SREK1: variants seen among roughly 807,000 people sequenced by gnomAD.
The protein encoded by SREK1 is splicing regulatory glutamic acid and lysine rich protein 1, also known as splicing regulatory glutamine/lysine-rich protein 1.
In SREK1, 13 loss-of-function variants were observed where a neutral mutation model predicts 66.5. The ratio of observed to expected loss-of-function variants is 0.20; its 90% CI spans 0.13 to 0.31. The LOEUF (loss-of-function observed/expected upper bound fraction) is 0.31. Among genes scored for constraint, SREK1 ranks in the 10% least tolerant of loss-of-function variants. The pLI is 1.00. For missense variants in SREK1, 607 were observed against 769.6 expected (o/e 0.79, Z 2.50); for synonymous variants, 265 against 263.5 (o/e 1.01, Z -0.05).
chr5:66,181,133 C>T lies in SREK1; in HGVS notation c.*2265C>T, dbSNP rs1412425723. ...GATATTTATTAAGCTTTAAAATAAT[C>T]GTACTATAATCTTGAAACACTGATT... On this transcript the variant is annotated 3_prime_UTR_variant, in exon 12 of 12. Coordinates refer to ENST00000334121, the MANE Select transcript of SREK1 (RefSeq NM_001077199.3). 4.6e-5 allele frequency: 7 copies of T among 152,244 alleles called. No individual in the cohort carries two copies. In the South Asian group the frequency reaches 6.2e-4, roughly 14 times the overall value. The allele number at this position is 152,244 out of a possible 1,614,324, so 9.4% of individuals were successfully genotyped here.
intron 3 of SREK1, 96 bp downstream of exon 3, chr5:66,159,430 C>T (rs78565322): frequency 5.4e-4 from 336 of 626,376 alleles, no homozygotes; most frequent in Middle Eastern, 2.4e-3. Flanking sequence ...GGATCTTCTT[C>T]TTTTTTTTTT....
intron 7 of SREK1, chr5:66,169,497 TC>T: frequency 6.6e-6 from 1 of 152,316 alleles, no homozygotes; most frequent in South Asian, 2.1e-4. Flanking sequence ...TCCAAGCATT[TC>T]ACATAAGGGA....
chr5:66,170,308 T>TA (rs1471252000), intron 8 of SREK1, 138 bp downstream of exon 8: 8 of 1,220,210 alleles, frequency 6.6e-6, no homozygotes, highest in Non-Finnish European at 9.0e-6. Context: ...AAACCTTTTT[T>TA]ATTGTTTTAG....
At chr5:66,163,760 G>A in intron 5 of SREK1, 32 bp from the exon 6 acceptor site, 7 of 1,597,434 alleles carry the variant, frequency 4.4e-6, no homozygotes, top group Non-Finnish European at 6.0e-6. Flanking sequence ...AATGTGGTGT[G>A]TATTTGTGAT....
intron 1 of SREK1, among the ~76,000 whole-genome samples, chr5:66,152,349 A>G (rs1743920602): frequency 6.6e-6 from 1 of 152,252 alleles, no homozygotes; most frequent in African/African-American, 2.4e-5. Context: ...GAAGAATTAC[A>G]AAGAAATCTG....
intron 1 of SREK1, among the ~76,000 whole-genome samples, chr5:66,148,654 A>G (rs1308078839): frequency 6.6e-6 from 1 of 152,186 alleles, no homozygotes; most frequent in Non-Finnish European, 1.5e-5. Flanking sequence ...TAGAGACAGG[A>G]TTTCACCATG....
At chr5:66,152,144 GC>G (rs1743900827) in intron 1 of SREK1, among the ~76,000 whole-genome samples, 1 of 152,142 alleles carries the variant, frequency 6.6e-6, no homozygotes, top group South Asian at 2.1e-4. Flanking sequence ...GAGCCACTGC[GC>G]CCGGCGGTAC....
chr5:66,172,924 G>C (rs542201827), intron 9 of SREK1, among the ~76,000 whole-genome samples: 127 of 148,780 alleles, frequency 8.5e-4, no homozygotes, highest in African/African-American at 3.1e-3. Context: ...TCTGCCTCCT[G>C]GGTTCAGCGA....
In SREK1 at chr5:66,181,900, C is replaced by CCGG. The variant is rs1285166072; in HGVS notation, c.*3032_*3033insCGG. On this transcript the variant is annotated 3_prime_UTR_variant, in exon 12 of 12. Transcript: ENST00000334121. ...GTTTATAATGAAAAGGTTTTTTTGTCGGGGGGGGGGGGGTCAAGAGAATTT... is the reference window on the plus strand; with the variant it reads ...GTTTATAATGAAAAGGTTTTTTTGTCCGGGGGGGGGGGGGGGTCAAGAGAATTT... 5.1e-5 allele frequency: 3 copies of CCGG among 58,556 alleles called. No individual in the cohort carries two copies. The highest frequency in any genetic ancestry group is 1.6e-4 in the African/African-American group (3 of 19,140). 3.6% of individuals were successfully genotyped at this position (58,556 alleles called of 1,614,324 possible).
rs1383068306 is a variant in SREK1, at chr5:66,182,986, CAATT to C, written c.*4120_*4123del. 2 of 152,144 alleles carry C rather than the reference CAATT, an allele frequency of 1.3e-5. No individual in the cohort carries two copies. The highest frequency in any genetic ancestry group is 4.8e-5 in the African/African-American group (2 of 41,444). 9.4% of individuals were successfully genotyped at this position (152,144 alleles called of 1,614,324 possible). On this transcript the variant is annotated 3_prime_UTR_variant, in exon 12 of 12. Transcript: ENST00000334121. The stretch of plus-strand genomic sequence containing the variant: ...TCTAAGGTACTTTTATAGTTTCTAG[CAATT>C]AGTTTGTTACAATTAGCTTATATCA...
At chr5:66,148,370 T>C (rs1313499537) in intron 1 of SREK1, among the ~76,000 whole-genome samples, 2 of 152,178 alleles carry the variant, frequency 1.3e-5, no homozygotes, top group East Asian at 3.8e-4. Context: ...TTTAAAAATA[T>C]TGTATAGTGC....
chr5:66,153,007 T>C (rs969802550), intron 1 of SREK1, among the ~76,000 whole-genome samples: 7 of 152,338 alleles, frequency 4.6e-5, no homozygotes, highest in Non-Finnish European at 7.4e-5. Context: ...AATTCCATAC[T>C]ACCTGACTCT....
rs1200686621 is a variant in SREK1, at chr5:66,157,272, A to G, written c.296-1947A>G. On this transcript the variant is annotated intron_variant, in intron 2 of 11. Coordinates refer to ENST00000334121, the MANE Select transcript of SREK1 (RefSeq NM_001077199.3). ...TTAAGCTGAAAGTGAAAGACTTCAT[A>G]ATACTAAGTAGTCAACTTTTGGCCA... 5.1e-6 allele frequency: 5 copies of G among 985,142 alleles called. No individual in the cohort carries two copies. In the Admixed American group the frequency reaches 2.5e-4, roughly 48 times the overall value. The allele number at this position is 985,142 out of a possible 1,614,324, so 61.0% of individuals were successfully genotyped here.
chr5:66,160,939 C>G (rs1464963956), intron 3 of SREK1, among the ~76,000 whole-genome samples: 1 of 152,148 alleles, frequency 6.6e-6, no homozygotes, highest in Non-Finnish European at 1.5e-5. Flanking sequence ...AGTTTACATT[C>G]ATATTAAAAA....
chr5:66,170,814 A>G lies in SREK1; in HGVS notation c.1351A>G (p.Lys451Glu), dbSNP rs780820309. ...GAAGGATCGAGACAAAGAGAAGGAA[A>G]AGGAACAGGACAAAGAAAAGGAACG... ...HEKDRDKEKE[K>E]EQDKEKEREK... Residue 451 changes from lysine to glutamate, a missense_variant, in exon 9 of 12, where the codon AAG becomes GAG. Around this residue, in one of 5 missense-constraint regions of SREK1, gnomAD observed 318 missense variants for 310.3 expected, o/e 1.02. Transcript: ENST00000334121. 5.6e-6 allele frequency: 9 copies of G among 1,612,920 alleles called. No individual in the cohort carries two copies. Among genetic ancestry groups the G allele is most frequent in the South Asian group, 2.2e-5 (2 of 90,940 alleles).
rs1240908434 is a variant in SREK1, at chr5:66,183,367, T to C, written c.*4499T>C. 6.6e-6 allele frequency: 1 copy of C among 152,172 alleles called. No homozygotes were observed. Among genetic ancestry groups the C allele is most frequent in the Non-Finnish European group, 1.5e-5 (1 of 68,008 alleles). The allele number at this position is 152,172 out of a possible 1,614,324, so 9.4% of individuals were successfully genotyped here. On this transcript the variant is annotated 3_prime_UTR_variant, in exon 12 of 12. Transcript: ENST00000334121. Reference sequence around the variant, plus strand: ...CTGATTTCTACAATAGATTTAAGTATGAAATTTGAGTATACTGTGTAGCTG... The same window carrying C: ...CTGATTTCTACAATAGATTTAAGTACGAAATTTGAGTATACTGTGTAGCTG...
rs1247543750 is a variant in SREK1, at chr5:66,179,045, G to A, written c.*177G>A. The A allele has an allele frequency of 3.5e-6, 2 of 578,648 alleles. No homozygotes were observed. Among genetic ancestry groups the A allele is most frequent in the African/African-American group, 1.9e-5 (1 of 52,764 alleles). The allele number at this position is 578,648 out of a possible 1,614,324, so 35.8% of individuals were successfully genotyped here. ...GTTATTGAGTAAGAAAATAAAGCATGGACATCATGAAAATAACAGATGTTA... is the reference window on the plus strand; with the variant it reads ...GTTATTGAGTAAGAAAATAAAGCATAGACATCATGAAAATAACAGATGTTA... On this transcript the variant is annotated 3_prime_UTR_variant, in exon 12 of 12. Transcript: ENST00000334121.
At position 66,180,030 on chromosome 5, in the gene SREK1, C is replaced by T. The variant is rs1325595652; in HGVS notation, c.*1162C>T. 1.3e-5 allele frequency: 2 copies of T among 152,418 alleles called. No homozygotes were observed. The highest frequency in any genetic ancestry group is 4.8e-5 in the African/African-American group (2 of 41,380). The allele number at this position is 152,418 out of a possible 1,614,324, so 9.4% of individuals were successfully genotyped here. Reference sequence around the variant, plus strand: ...CTTATTTTCCTTAAATTGAAGAAAACCCTTTAGTTGTCTACATTGGATGGC... The same window carrying T: ...CTTATTTTCCTTAAATTGAAGAAAATCCTTTAGTTGTCTACATTGGATGGC... On this transcript the variant is annotated 3_prime_UTR_variant, in exon 12 of 12. Coordinates refer to ENST00000334121, the MANE Select transcript of SREK1 (RefSeq NM_001077199.3).
At chr5:66,153,375 T>C in intron 1 of SREK1, 88 bp from the exon 2 acceptor site, 2 of 1,509,872 alleles carry the variant, frequency 1.3e-6, no homozygotes, top group Non-Finnish European at 8.9e-7. Context: ...CGTAAGATTA[T>C]GTAAAGGTTA....
Sources: gnomAD v4.1 joint callset for allele counts (sites outside exome capture counted in the v4.1 genomes callset) on GRCh38, gnomAD v4.1.1 for gene constraint, gnomAD v4.1.1 regional missense constraint, MANE v1.5 for transcripts, NCBI Gene and HGNC (gene_info 2026-07-23, HGNC 2026-07-21) for gene names.